SMOC2: variants seen among roughly 807,000 people sequenced by gnomAD.
SMOC2 encodes the protein SPARC-related modular calcium-binding protein 2.
In SMOC2, 39 loss-of-function variants were observed where a neutral mutation model predicts 61.4. The observed-to-expected ratio is 0.64, with a 90% confidence interval of 0.49 to 0.83. The LOEUF (loss-of-function observed/expected upper bound fraction) is 0.83, where lower values mean the gene tolerates loss of function less well. SMOC2 is among the 40% of genes least tolerant of loss of function. The pLI is 0.00. For missense variants in SMOC2, 556 were observed against 592.9 expected (o/e 0.94, Z 0.65); for synonymous variants, 247 against 239.9 (o/e 1.03, Z -0.27).
At chr6:168,474,709 C>T (rs1023338352) in intron 1 of SMOC2, among the ~76,000 whole-genome samples, 1 of 152,086 alleles carries the variant, frequency 6.6e-6, no homozygotes. Context: ...CCAGGGGCAT[C>T]GTTGATACAC....
chr6:168,629,626 C>T (rs1786513366), intron 9 of SMOC2, among the ~76,000 whole-genome samples: 1 of 152,212 alleles, frequency 6.6e-6, no homozygotes. Context: ...TTTAAAAACA[C>T]CCTCCTCAAG....
rs59148412 is a variant in SMOC2 at position 168,629,974 on chromosome 6, G to A, written c.908-20707G>A. ...GCTTGGTGGAGGCCATCCTGGGGAA[G>A]CACCACTGTGCTGTGAGCTCCTGCC... On this transcript the variant is annotated intron_variant, in intron 9 of 12. Coordinates refer to ENST00000356284, the MANE Select transcript of SMOC2 (RefSeq NM_001166412.2). Among the ~76,000 whole-genome samples the A allele has an allele frequency of 2.0e-3, 309 of 152,286 alleles. 1 individual carries two copies. The highest frequency in any genetic ancestry group is 7.1e-3 in the African/African-American group (296 of 41,548).
chr6:168,599,101 C>G, intron 8 of SMOC2, 97 bp downstream of exon 8: 1 of 1,034,206 alleles, frequency 9.7e-7, no homozygotes, highest in Admixed American at 2.4e-5. Context: ...CACACACCGA[C>G]ACACAGTCAC....
At chr6:168,649,192 C>T (rs1235763631) in intron 9 of SMOC2, among the ~76,000 whole-genome samples, 6 of 152,242 alleles carry the variant, frequency 3.9e-5, no homozygotes, top group African/African-American at 7.2e-5. Context: ...CAGCTCTCCG[C>T]GTCCTCCACT....
rs551183247 is a variant in SMOC2, at chr6:168,523,079, A to ATTCTTTTTTTTTTTTTTTTTT, written c.257-3265_257-3264insCTTTTTTTTTTTTTTTTTTTT. Among the ~76,000 whole-genome samples, 11 of 93,662 alleles carry ATTCTTTTTTTTTTTTTTTTTT rather than the reference A, an allele frequency of 1.2e-4. 4 individuals are homozygous for ATTCTTTTTTTTTTTTTTTTTT. Among genetic ancestry groups the ATTCTTTTTTTTTTTTTTTTTT allele is most frequent in the East Asian group, 8.1e-4 (2 of 2,464 alleles). The allele number at this position is 93,662 out of a possible 152,430, so 61.4% of individuals were successfully genotyped here. On this transcript the variant is annotated intron_variant, in intron 2 of 12. Coordinates refer to ENST00000356284, the MANE Select transcript of SMOC2 (RefSeq NM_001166412.2). Reference sequence around the variant, plus strand: ...TTATGTTATTTGTAGTTGTACAGTAATTTTTTTTTTTTTTTTTTTTGAGAC... The same window carrying ATTCTTTTTTTTTTTTTTTTTT: ...TTATGTTATTTGTAGTTGTACAGTAATTCTTTTTTTTTTTTTTTTTTTTTTTTTTTTTTTTTTTTTTGAGAC...
chr6:168,521,806 T>C (rs1482724447), intron 2 of SMOC2, among the ~76,000 whole-genome samples: 1 of 152,094 alleles, frequency 6.6e-6, no homozygotes, highest in Non-Finnish European at 1.5e-5. Context: ...GCTCAGGAGG[T>C]TGAAGCTGCA....
intron 7 of SMOC2, among the ~76,000 whole-genome samples, chr6:168,597,500 A>G (rs1785363084): frequency 6.6e-6 from 1 of 152,062 alleles, no homozygotes; most frequent in Admixed American, 6.6e-5. Flanking sequence ...CCCCAGAACA[A>G]TCCTTTCTGC....
intron 2 of SMOC2, among the ~76,000 whole-genome samples, chr6:168,523,404 T>G (rs1783378953): frequency 6.7e-6 from 1 of 149,284 alleles, no homozygotes; most frequent in Non-Finnish European, 1.5e-5. Context: ...TCTTTTTTTT[T>G]TGTGGCAGAG....
intron 7 of SMOC2, among the ~76,000 whole-genome samples, chr6:168,552,034 G>A (rs905257327): frequency 6.6e-6 from 1 of 152,176 alleles, no homozygotes; most frequent in African/African-American, 2.4e-5. Flanking sequence ...GAGATGAGTG[G>A]AGCACGAAAA....
intron 7 of SMOC2, among the ~76,000 whole-genome samples, chr6:168,560,306 C>T (rs993769722): frequency 1.4e-4 from 21 of 152,256 alleles, no homozygotes; most frequent in South Asian, 6.2e-4. Context: ...AAAGGGCAAA[C>T]GAAGAAGTCA....
intron 2 of SMOC2, among the ~76,000 whole-genome samples, chr6:168,518,040 C>G (rs540027646): frequency 1.3e-4 from 20 of 152,342 alleles, no homozygotes; most frequent in African/African-American, 4.1e-4. Context: ...GTGTTTCCGT[C>G]GAGCTCGTCC....
chr6:168,493,375 A>G lies in SMOC2; in HGVS notation c.85-16540A>G, dbSNP rs76386571. ...AGTTAAAGAACTGACTTGAACATTT[A>G]TCTGCATAAGTATGGATTTGTTAAA... On this transcript the variant is annotated intron_variant, in intron 1 of 12. Transcript: ENST00000356284. Among the ~76,000 whole-genome samples, 353 of 152,308 alleles carry G rather than the reference A, an allele frequency of 2.3e-3. 3 individuals carry two copies. Among genetic ancestry groups the G allele is most frequent in the Middle Eastern group, 0.01 (3 of 294 alleles).
At position 168,666,797 on chromosome 6, in the gene SMOC2, C is replaced by T. The variant is rs771755373; in HGVS notation, c.*359C>T. ...CTTTCTCTAACCCCTGCAGTCACTT[C>T]CAGATGCCTGTGCTTACAGCATTGT... On this transcript the variant is annotated 3_prime_UTR_variant, in exon 13 of 13. Transcript: ENST00000356284. The T allele has an allele frequency of 2.8e-4, 63 of 224,968 alleles. No individual in the cohort carries two copies. Among genetic ancestry groups the T allele is most frequent in the Non-Finnish European group, 5.0e-4 (57 of 114,432 alleles). The allele number at this position is 224,968 out of a possible 1,614,324, so 13.9% of individuals were successfully genotyped here.
intron 2 of SMOC2, among the ~76,000 whole-genome samples, chr6:168,520,857 C>T (rs1427782709): frequency 6.6e-6 from 1 of 152,180 alleles, no homozygotes; most frequent in Non-Finnish European, 1.5e-5. Context: ...TTAGGACTAC[C>T]AAATTCATCA....
chr6:168,448,344 C>T (rs986659058), intron 1 of SMOC2, among the ~76,000 whole-genome samples: 10 of 145,414 alleles, frequency 6.9e-5, no homozygotes, highest in South Asian at 2.2e-4. Flanking sequence ...AGGAGGATGG[C>T]GCTGGGGAGG....
At chr6:168,519,576 G>A (rs375907454) in intron 2 of SMOC2, among the ~76,000 whole-genome samples, 10 of 152,106 alleles carry the variant, frequency 6.6e-5, no homozygotes, top group African/African-American at 1.7e-4. Flanking sequence ...AAACACAGCC[G>A]GACGTTCCTA....
At chr6:168,583,741 G>C (rs1215546382) in intron 7 of SMOC2, among the ~76,000 whole-genome samples, 5 of 152,232 alleles carry the variant, frequency 3.3e-5, no homozygotes, top group Non-Finnish European at 7.3e-5. Context: ...CCCAGGTAGG[G>C]AAGAGCACCC....
chr6:168,599,030 C>CG lies in SMOC2; in HGVS notation c.824+29dup, dbSNP rs370226024. The CG allele has an allele frequency of 7.3e-4, 1,126 of 1,547,294 alleles. 12 individuals are homozygous for CG. In the African/African-American group the frequency reaches 0.014, roughly 19 times the overall value. ...GTAAATAGGGTGCACCCACCCCCCCCGGGACCATGGGAGGCTTTGGGGTGT... is the reference window on the plus strand; with the variant it reads ...GTAAATAGGGTGCACCCACCCCCCCCGGGGACCATGGGAGGCTTTGGGGTGT... On this transcript the variant is annotated intron_variant, in intron 8 of 12. Transcript: ENST00000356284.
intron 1 of SMOC2, among the ~76,000 whole-genome samples, chr6:168,446,131 G>A (rs1385154032): frequency 6.6e-6 from 1 of 152,230 alleles, no homozygotes; most frequent in Admixed American, 6.5e-5. Flanking sequence ...GGGAAGCCAA[G>A]GCGGGTGGAT....
Sources: allele counts gnomAD v4.1 joint callset (sites outside exome capture counted in the v4.1 genomes callset), GRCh38; gene constraint gnomAD v4.1.1; transcripts MANE v1.5; gene names NCBI Gene and HGNC (gene_info 2026-07-23, HGNC 2026-07-21).